HLF: variants seen among roughly 807,000 people sequenced by gnomAD.
HLF encodes the protein hepatic leukemia factor.
HLF carries 3 observed loss-of-function variants against 22.6 expected under a neutral mutation model. That is an observed-to-expected ratio of 0.13 (90% CI 0.06 to 0.34). HLF has a LOEUF of 0.34. Among genes scored for constraint, HLF ranks in the 10% least tolerant of loss-of-function variants. The pLI is 1.00. For synonymous variants in HLF, 151 were observed against 151.8 expected (o/e 0.99, Z 0.04); for missense variants, 299 against 389.2 (o/e 0.77, Z 1.95).
chr17:55,284,413 G>T (rs2080982014), intron 2 of HLF, among the ~76,000 whole-genome samples: 1 of 152,206 alleles, frequency 6.6e-6, no homozygotes, highest in African/African-American at 2.4e-5. Context: ...GCTGTTTCCT[G>T]TTGTTTCCAG....
chr17:55,269,075 A>G (rs973831659), intron 2 of HLF, among the ~76,000 whole-genome samples: 4 of 152,210 alleles, frequency 2.6e-5, no homozygotes, highest in African/African-American at 9.7e-5. Context: ...AAGCAGGACA[A>G]TGCGAAACTT....
At chr17:55,269,021 G>A (rs1197881893) in intron 2 of HLF, among the ~76,000 whole-genome samples, 2 of 152,174 alleles carry the variant, frequency 1.3e-5, no homozygotes, top group Non-Finnish European at 2.9e-5. Context: ...TAAATCATCC[G>A]GAAGGTCACA....
chr17:55,283,563 A>G (rs2080974556), intron 2 of HLF: 2 of 152,258 alleles, frequency 1.3e-5, no homozygotes, highest in African/African-American at 4.8e-5. Context: ...CCTCCAGCAC[A>G]TAATGTTTTA....
chr17:55,295,820 A>G (rs2081107033), intron 2 of HLF, among the ~76,000 whole-genome samples: 1 of 152,198 alleles, frequency 6.6e-6, no homozygotes. Context: ...AGATGAGTAA[A>G]TCAGAGAAAA....
At chr17:55,267,457 T>C in intron 1 of HLF, 1 of 293,146 alleles carries the variant, frequency 3.4e-6, no homozygotes, top group African/African-American at 2.2e-5. Context: ...GTTATTACTC[T>C]TCTCAAATAA....
intron 2 of HLF, among the ~76,000 whole-genome samples, chr17:55,306,692 T>C (rs1029964740): frequency 6.6e-6 from 1 of 152,166 alleles, no homozygotes; most frequent in Admixed American, 6.5e-5. Context: ...GCTACTGGGA[T>C]CCAGGACACC....
At chr17:55,296,914 T>G (rs1407836767) in intron 2 of HLF, among the ~76,000 whole-genome samples, 1 of 152,206 alleles carries the variant, frequency 6.6e-6, no homozygotes, top group Non-Finnish European at 1.5e-5. Context: ...TAAGTATCTG[T>G]ACTTTTACAG....
intron 2 of HLF, among the ~76,000 whole-genome samples, chr17:55,313,743 G>A (rs377599946): frequency 1.3e-5 from 2 of 152,102 alleles, no homozygotes; most frequent in Admixed American, 6.6e-5. Flanking sequence ...CTAGAAGCTG[G>A]AGCTGAGCTA....
At chr17:55,270,656 C>CTT (rs10712714) in intron 2 of HLF, among the ~76,000 whole-genome samples, 127 of 84,710 alleles carry the variant, frequency 1.5e-3, no homozygotes, top group African/African-American at 3.0e-3. Flanking sequence ...TTGGGTAAAT[C>CTT]TTTTTTTTTT....
In HLF at chr17:55,274,529, G is replaced by A. The variant is rs146244313; in HGVS notation, c.451+6443G>A. Among the ~76,000 whole-genome samples the A allele has an allele frequency of 1.2e-3, 189 of 152,256 alleles. 2 individuals are homozygous for A. Among genetic ancestry groups the A allele is most frequent in the African/African-American group, 4.4e-3 (184 of 41,540 alleles). Reference sequence around the variant, plus strand: ...CTCTGTCTCACCATGCACAATGTCTGTCAGAATGTCCTGTGTTTGAGACAC... The same window carrying A: ...CTCTGTCTCACCATGCACAATGTCTATCAGAATGTCCTGTGTTTGAGACAC... On this transcript the variant is annotated intron_variant, in intron 2 of 3. Transcript: ENST00000226067.
chr17:55,304,751 C>T (rs1191575100), intron 2 of HLF, among the ~76,000 whole-genome samples: 1 of 152,160 alleles, frequency 6.6e-6, no homozygotes, highest in Non-Finnish European at 1.5e-5. Flanking sequence ...TGTGGACTCT[C>T]CACCTACCAA....
chr17:55,307,575 A>T (rs930481314), intron 2 of HLF, among the ~76,000 whole-genome samples: 2 of 152,070 alleles, frequency 1.3e-5, no homozygotes, highest in Non-Finnish European at 2.9e-5. Context: ...CATTATAGAC[A>T]ATTTGCAAAA....
At chr17:55,266,230 G>C (rs2145287123) in intron 1 of HLF, 1 of 152,432 alleles carries the variant, frequency 6.6e-6, no homozygotes, top group East Asian at 1.9e-4. Flanking sequence ...ACACTTTCCC[G>C]GTGCACTTTT....
chr17:55,265,825 T>A (rs761488505), intron 1 of HLF: 8 of 1,284,538 alleles, frequency 6.2e-6, no homozygotes, highest in Non-Finnish European at 7.8e-6. Context: ...TAAAAGAGCT[T>A]CGGGCACCCG....
intron 2 of HLF, among the ~76,000 whole-genome samples, chr17:55,269,106 A>G (rs1439133124): frequency 2.6e-5 from 4 of 152,156 alleles, no homozygotes; most frequent in South Asian, 2.1e-4. Flanking sequence ...TTGTTACTGA[A>G]CTCCGTGTCC....
In HLF at chr17:55,309,131, T is replaced by C. The variant is rs182148658; in HGVS notation, c.452-6096T>C. ...GCTCTGCCTGGAAGTGCAGGTCCCATGGAATAGGACATGAATGGGTTAGGA... is the reference window on the plus strand; with the variant it reads ...GCTCTGCCTGGAAGTGCAGGTCCCACGGAATAGGACATGAATGGGTTAGGA... On this transcript the variant is annotated intron_variant, in intron 2 of 3. Transcript: ENST00000226067. Among the ~76,000 whole-genome samples, 65 of 152,232 alleles carry C rather than the reference T, an allele frequency of 4.3e-4. No homozygotes were observed. In the East Asian group the frequency reaches 0.011, roughly 26 times the overall value.
rs147283768 is a variant in HLF, at chr17:55,287,264, C to G, written c.451+19178C>G. 6.6e-5 allele frequency among the ~76,000 whole-genome samples: 10 copies of G among 152,342 alleles called. No individual in the cohort carries two copies. In the East Asian group the frequency reaches 1.7e-3, roughly 26 times the overall value. ...TTTATTTGGAGCTTTGCTCCCCCTT[C>G]CCCTTGTAAATAAGACCAGTATTTT... On this transcript the variant is annotated intron_variant, in intron 2 of 3. Coordinates refer to ENST00000226067, the MANE Select transcript of HLF (RefSeq NM_002126.5).
At chr17:55,265,829 G>A (rs990184105) in intron 1 of HLF, 71 of 1,280,446 alleles carry the variant, frequency 5.5e-5, no homozygotes, top group Non-Finnish European at 6.5e-5. Context: ...AGAGCTTCGG[G>A]CACCCGGCCT....
chr17:55,297,559 C>T (rs1266043234), intron 2 of HLF, among the ~76,000 whole-genome samples: 22 of 151,758 alleles, frequency 1.4e-4, no homozygotes, highest in Non-Finnish European at 7.4e-5. Flanking sequence ...TCTTTACTGC[C>T]TGCCTGAAAA....
Sources: gnomAD v4.1 joint callset for allele counts (sites outside exome capture counted in the v4.1 genomes callset) on GRCh38, gnomAD v4.1.1 for gene constraint, MANE v1.5 for transcripts, NCBI Gene and HGNC (gene_info 2026-07-23, HGNC 2026-07-21) for gene names.